The following PCDH15 variants were observed in gnomAD, a reference collection of about 807,000 sequenced individuals.
The protein encoded by PCDH15 is protocadherin related 15.
A neutral mutation model predicts 178.5 loss-of-function variants in PCDH15; 129 were observed. The observed-to-expected ratio is 0.72, with a 90% CI of 0.63 to 0.84. The LOEUF (loss-of-function observed/expected upper bound fraction) is 0.84, where lower values mean the gene tolerates loss of function less well. Ranked by LOEUF, PCDH15 falls within the 40% of genes least tolerant of loss-of-function variation. PCDH15 has a pLI of 0.00. For missense variants in PCDH15, 2,230 were observed against 2,099.9 expected, an observed-to-expected ratio of 1.06 and a Z score of -1.21; for synonymous variants, 800 against 732.0, an observed-to-expected ratio of 1.09 and a Z score of -1.50.
chr10:54,594,735 C>T (rs1464153703), intron 2 of PCDH15, among the ~76,000 whole-genome samples: 1 of 152,178 alleles, frequency 6.6e-6, no homozygotes, highest in Non-Finnish European at 1.5e-5. Context: ...TGTACCATGC[C>T]ATGCCATGCC....
intron 2 of PCDH15, among the ~76,000 whole-genome samples, chr10:54,995,582 A>G (rs1391584568): frequency 6.6e-6 from 1 of 151,740 alleles, no homozygotes; most frequent in African/African-American, 2.4e-5. Flanking sequence ...ACTGTCCCGT[A>G]GAACTGATGT....
At chr10:53,981,400 G>C (rs371034524) in intron 21 of PCDH15, among the ~76,000 whole-genome samples, 37 of 152,142 alleles carry the variant, frequency 2.4e-4, no homozygotes, top group African/African-American at 8.2e-4. Context: ...GAGGCATCAC[G>C]CTACCTGACT....
At chr10:54,427,205 T>A (rs993718634) in intron 3 of PCDH15, among the ~76,000 whole-genome samples, 2 of 151,146 alleles carry the variant, frequency 1.3e-5, no homozygotes, top group African/African-American at 2.4e-5. Flanking sequence ...AAGTAAGCTA[T>A]CTTATTTATC....
chr10:54,816,746 T>C (rs965121347), intron 3 of PCDH15, among the ~76,000 whole-genome samples: 1 of 152,064 alleles, frequency 6.6e-6, no homozygotes, highest in Non-Finnish European at 1.5e-5. Flanking sequence ...AAAAATAAAT[T>C]GAATTATAAA....
At chr10:55,174,945 A>C (rs1405946295) in intron 1 of PCDH15, among the ~76,000 whole-genome samples, 1 of 152,128 alleles carries the variant, frequency 6.6e-6, no homozygotes, top group African/African-American at 2.4e-5. Context: ...CCAGAATTTA[A>C]CCCAAGCATT....
At chr10:54,139,141 A>G (rs185716517) in intron 14 of PCDH15, among the ~76,000 whole-genome samples, 1 of 152,258 alleles carries the variant, frequency 6.6e-6, no homozygotes, top group East Asian at 1.9e-4. Context: ...AAGGTTATAG[A>G]ACTATAAACC....
intron 2 of PCDH15, chr10:55,166,519 T>C (rs1839202076): frequency 6.6e-6 from 1 of 152,148 alleles, no homozygotes; most frequent in South Asian, 2.1e-4. Flanking sequence ...ATGTAATGTA[T>C]TGTTATTCTT....
rs1173321355 is a variant in PCDH15 at position 54,045,175 on chromosome 10, C to T, written c.2220+21582G>A. Reference sequence around the variant, plus strand: ...TGATAAGAAGACTAGATGGAAATGACAAATCAAGGGTTCAGGGTGGGAATG... The same window carrying T: ...TGATAAGAAGACTAGATGGAAATGATAAATCAAGGGTTCAGGGTGGGAATG... On this transcript the variant is annotated intron_variant, in intron 18 of 37. Coordinates refer to ENST00000644397, the MANE Select transcript of PCDH15 (RefSeq NM_001384140.1). 2.0e-5 allele frequency among the ~76,000 whole-genome samples: 3 copies of T among 151,504 alleles called. No individual in the cohort carries two copies. The East Asian group carries it at 5.8e-4, about 29-fold the overall frequency.
rs76756380 is a variant in PCDH15, at chr10:55,563,183, G to C, written c.-156+64442C>G. Among the ~76,000 whole-genome samples, 1,033 of 151,940 alleles carry C rather than the reference G, an allele frequency of 6.8e-3. 12 individuals carry two copies. The highest frequency in any genetic ancestry group is 0.024 in the African/African-American group (992 of 41,468). ...CTGAGCACAATGGTAGAGACAAAAA[G>C]GTGGTAGCCATTGTTTTTGCACTCC... On this transcript the variant is annotated intron_variant, in intron 2 of 5. Coordinates refer to the PCDH15 transcript ENST00000613346.
At chr10:54,069,830 G>A (rs936626152) in intron 17 of PCDH15, among the ~76,000 whole-genome samples, 1 of 152,050 alleles carries the variant, frequency 6.6e-6, no homozygotes, top group Admixed American at 6.6e-5. Flanking sequence ...TTAAAAATTA[G>A]CAAATGAAAA....
At chr10:55,432,082 AACACACACACACAC>A (rs58866288) in intron 2 of PCDH15, among the ~76,000 whole-genome samples, 13 of 148,380 alleles carry the variant, frequency 8.8e-5, no homozygotes, top group African/African-American at 3.0e-4. Flanking sequence ...CTATCATTTA[AACACACACACACAC>A]ACACACACAC....
At chr10:55,034,947 GA>G (rs1380744530) in intron 2 of PCDH15, among the ~76,000 whole-genome samples, 1 of 152,140 alleles carries the variant, frequency 6.6e-6, no homozygotes, top group Admixed American at 6.5e-5. Context: ...GAATAGGAAA[GA>G]AGAGGCTGAT....
chr10:54,622,005 G>A (rs1384848442), intron 2 of PCDH15, among the ~76,000 whole-genome samples: 2 of 151,924 alleles, frequency 1.3e-5, no homozygotes. Flanking sequence ...TTATTACTGA[G>A]GAATGAGAAT....
rs200800809 is a variant in PCDH15 at position 54,815,144 on chromosome 10, G to GT, written c.-29+82305dup. 1.9e-3 allele frequency among the ~76,000 whole-genome samples: 281 copies of GT among 146,556 alleles called. 3 individuals carry two copies. The highest frequency in any genetic ancestry group is 4.0e-3 in the African/African-American group (160 of 40,156). On this transcript the variant is annotated intron_variant, in intron 3 of 5. Coordinates refer to the PCDH15 transcript ENST00000458638. ...GGATTTTTGTTCAATAAATATGTTG[G>GT]TTTTTTTTTTTATATTTGTGACAAG... is the stretch of plus-strand genomic sequence containing the variant.
intron 9 of PCDH15, among the ~76,000 whole-genome samples, chr10:54,225,127 T>C (rs527348415): frequency 1.3e-5 from 2 of 152,202 alleles, no homozygotes; most frequent in East Asian, 3.9e-4. Flanking sequence ...ATGCTTCTGA[T>C]TGTATAGTTC....
chr10:54,037,665 T>C lies in PCDH15; in HGVS notation c.2221-14468A>G, dbSNP rs148181679. Among the ~76,000 whole-genome samples, 54 of 152,120 alleles carry C rather than the reference T, an allele frequency of 3.5e-4. No homozygotes were observed. The East Asian group carries it at 8.9e-3, about 25-fold the overall frequency. On this transcript the variant is annotated intron_variant, in intron 18 of 37. Transcript: ENST00000644397. ...TGACTCGCTTTGTTGCAACATTTGCTGTATTACTGTGGTCTGGAAGAGAAC... is the reference window on the plus strand; with the variant it reads ...TGACTCGCTTTGTTGCAACATTTGCCGTATTACTGTGGTCTGGAAGAGAAC...
chr10:54,317,457 A>G lies in PCDH15; in HGVS notation c.706-16T>C. 1 of 1,613,196 alleles carries G rather than the reference A, an allele frequency of 6.2e-7. No homozygotes were observed. Among genetic ancestry groups the G allele is most frequent in the South Asian group, 1.1e-5 (1 of 91,072 alleles). On this transcript the variant is annotated splice_polypyrimidine_tract_variant and intron_variant, in intron 7 of 37. Coordinates refer to ENST00000644397, the MANE Select transcript of PCDH15 (RefSeq NM_001384140.1). ...GGGCACGGTCCTGTTAGGGAGAAAA[A>G]CAAACAACAGGTAGTTTATAGAAAT...
chr10:54,162,135 C>G (rs1049695415), intron 13 of PCDH15, among the ~76,000 whole-genome samples: 1 of 152,044 alleles, frequency 6.6e-6, no homozygotes, highest in Admixed American at 6.6e-5. Context: ...ATAGAATGCC[C>G]TTCAGGCTAC....
chr10:54,956,503 A>T (rs924749389), intron 2 of PCDH15, among the ~76,000 whole-genome samples: 5 of 151,528 alleles, frequency 3.3e-5, no homozygotes, highest in African/African-American at 1.2e-4. Flanking sequence ...AATGTTCATA[A>T]TTATTATTTT....
Sources: gnomAD v4.1 joint callset for allele counts (sites outside exome capture counted in the v4.1 genomes callset) on GRCh38, gnomAD v4.1.1 for gene constraint, MANE v1.5 for transcripts, NCBI Gene and HGNC (gene_info 2026-07-23, HGNC 2026-07-21) for gene names.